Variants in ZFHX3 observed in about 807,000 individuals in gnomAD.
The protein encoded by ZFHX3 is zinc finger homeobox 3, also known as zinc finger homeobox protein 3.
In ZFHX3, 42 loss-of-function variants were observed where a neutral mutation model predicts 279.1. The ratio of observed to expected loss-of-function variants is 0.15; its 90% CI spans 0.12 to 0.19. The LOEUF (loss-of-function observed/expected upper bound fraction) is 0.19. Ranked by LOEUF, ZFHX3 falls within the 10% of genes least tolerant of loss-of-function variation. The pLI is 1.00. For synonymous variants in ZFHX3, 2,293 were observed against 1,957.8 expected (o/e 1.17, Z -4.52); for missense variants, 4,981 against 4,754.0 (o/e 1.05, Z -1.40).
At chr16:73,700,410 C>A (rs2053236094) in intron 1 of ZFHX3, among the ~76,000 whole-genome samples, 1 of 152,130 alleles carries the variant, frequency 6.6e-6, no homozygotes, top group African/African-American at 2.4e-5. Context: ...ATCTTTCATA[C>A]AATTATAAAT....
At chr16:73,735,961 G>C (rs1478282383) in intron 1 of ZFHX3, among the ~76,000 whole-genome samples, 2 of 150,730 alleles carry the variant, frequency 1.3e-5, no homozygotes, top group African/African-American at 4.9e-5. Flanking sequence ...CAGACATGGT[G>C]ACAGCTCATA....
At chr16:72,978,830 CAT>C (rs1962467642) in intron 1 of ZFHX3, among the ~76,000 whole-genome samples, 1 of 152,218 alleles carries the variant, frequency 6.6e-6, no homozygotes, top group Non-Finnish European at 1.5e-5. Context: ...TCCAGCCAGT[CAT>C]AGAGATGATC....
chr16:73,654,421 C>G (rs1327144387), intron 2 of ZFHX3, among the ~76,000 whole-genome samples: 2 of 151,968 alleles, frequency 1.3e-5, no homozygotes, highest in East Asian at 3.9e-4. Flanking sequence ...TAAAAATTAA[C>G]CCCCAAAATA....
intron 3 of ZFHX3, among the ~76,000 whole-genome samples, chr16:73,389,878 A>C (rs2016977414): frequency 6.6e-6 from 1 of 152,026 alleles, no homozygotes; most frequent in African/African-American, 2.4e-5. Flanking sequence ...TGGCCAACAC[A>C]GTGAAACCTC....
At chr16:73,605,899 C>G (rs181119920) in intron 2 of ZFHX3, among the ~76,000 whole-genome samples, 119 of 152,044 alleles carry the variant, frequency 7.8e-4, no homozygotes, top group African/African-American at 2.7e-3. Flanking sequence ...AAAATCCATG[C>G]TGGGGCAGGG....
At chr16:72,907,232 G>A (rs376730425) in intron 3 of ZFHX3, among the ~76,000 whole-genome samples, 14 of 152,114 alleles carry the variant, frequency 9.2e-5, no homozygotes, top group African/African-American at 3.4e-4. Context: ...AATAGCATAA[G>A]GCCAGAGGAA....
chr16:73,312,843 G>A (rs2015357329), intron 4 of ZFHX3, among the ~76,000 whole-genome samples: 1 of 152,356 alleles, frequency 6.6e-6, no homozygotes, highest in African/African-American at 2.4e-5. Context: ...CATAACTGTA[G>A]TTGCAAACAT....
chr16:73,682,788 A>AAAAGAAAGAAAG (rs201561147), intron 1 of ZFHX3, among the ~76,000 whole-genome samples: 1 of 147,702 alleles, frequency 6.8e-6, no homozygotes, highest in Non-Finnish European at 1.5e-5. Flanking sequence ...ACTTCATTTC[A>AAAAGAAAGAAAG]AAAGAAAGAA....
chr16:73,188,507 T>C (rs1050582293), intron 5 of ZFHX3, among the ~76,000 whole-genome samples: 10 of 152,184 alleles, frequency 6.6e-5, no homozygotes, highest in Non-Finnish European at 1.0e-4. Context: ...TCACCTGAGA[T>C]GGTGAATTTG....
At chr16:73,744,889 G>A (rs1053188809) in intron 1 of ZFHX3, among the ~76,000 whole-genome samples, 13 of 152,228 alleles carry the variant, frequency 8.5e-5, no homozygotes, top group Admixed American at 2.6e-4. Flanking sequence ...TGCCCCAAAC[G>A]AGATTGGATT....
intron 3 of ZFHX3, among the ~76,000 whole-genome samples, chr16:72,941,965 C>G (rs1156822363): frequency 6.6e-6 from 1 of 152,196 alleles, no homozygotes; most frequent in African/African-American, 2.4e-5. Flanking sequence ...CCACCCTACA[C>G]TTACTAGTAT....
chr16:73,562,730 A>G (rs1189351557), intron 2 of ZFHX3, among the ~76,000 whole-genome samples: 1 of 152,120 alleles, frequency 6.6e-6, no homozygotes, highest in Admixed American at 6.5e-5. Flanking sequence ...AAAAAAAAGA[A>G]CAGACAAAAT....
intron 3 of ZFHX3, among the ~76,000 whole-genome samples, chr16:72,940,832 C>T (rs1420749573): frequency 1.3e-5 from 2 of 152,216 alleles, no homozygotes; most frequent in African/African-American, 4.8e-5. Flanking sequence ...CATTTCTAAC[C>T]TTCTAACTAG....
intron 4 of ZFHX3, chr16:73,293,729 G>C (rs569347327): frequency 6.6e-6 from 1 of 152,404 alleles, no homozygotes; most frequent in African/African-American, 2.4e-5. Flanking sequence ...GGTGGGTCAG[G>C]GTTGGGCAGC....
intron 5 of ZFHX3, among the ~76,000 whole-genome samples, chr16:73,245,056 A>C (rs147209207): frequency 2.0e-5 from 3 of 152,030 alleles, no homozygotes; most frequent in African/African-American, 7.2e-5. Context: ...ATTCTTGGAA[A>C]CTCTGTGAAG....
rs1324649054 is a variant in ZFHX3, at chr16:72,794,730, T to C, written c.7952A>G (p.Glu2651Gly). The change falls in exon 9 of 10, where the codon GAA becomes GGA. Residue 2651 changes from glutamate (E) to glycine (G), a missense_variant. Physicochemically the swap from Glu to Gly is moderately conservative, Grantham distance 98. Around this residue, in one of 7 missense-constraint regions of ZFHX3, gnomAD observed 744 missense variants for 701.3 expected, o/e 1.06. Transcript: ENST00000268489. The surrounding 1 kb of genome is among the most constrained non-coding windows in gnomAD (Gnocchi z 4.2). ...CTTCTGGTAGAGAATTTCTAGTTGTTCCGGTGTGATGGTTGTTCTCAAACG... is the reference window on the plus strand; with the variant it reads ...CTTCTGGTAGAGAATTTCTAGTTGTCCCGGTGTGATGGTTGTTCTCAAACG... Reference protein sequence around the residue: ...DKRLRTTITPEQLEILYQKYL... With the variant: ...DKRLRTTITPGQLEILYQKYL... 1 of 1,614,244 alleles carries C rather than the reference T, an allele frequency of 6.2e-7. No individual in the cohort carries two copies. The highest frequency in any genetic ancestry group is 8.5e-7 in the Non-Finnish European group (1 of 1,180,042).
At chr16:72,903,361 G>A (rs1039591754) in intron 3 of ZFHX3, among the ~76,000 whole-genome samples, 1 of 152,146 alleles carries the variant, frequency 6.6e-6, no homozygotes, top group African/African-American at 2.4e-5. Context: ...TCTAGGGATG[G>A]GGCCAGGAAT....
chr16:72,975,368 G>A (rs1300552107), intron 1 of ZFHX3, among the ~76,000 whole-genome samples: 2 of 152,150 alleles, frequency 1.3e-5, no homozygotes, highest in Non-Finnish European at 2.9e-5. Flanking sequence ...ACTTGAACCC[G>A]GGAGGCAGAA....
At chr16:72,863,537 C>CAGAGAGTG (rs2037938824) in intron 4 of ZFHX3, among the ~76,000 whole-genome samples, 1 of 148,234 alleles carries the variant, frequency 6.7e-6, no homozygotes, top group African/African-American at 2.5e-5. Flanking sequence ...CAGAGACAGA[C>CAGAGAGTG]AGAGAGAGAG....
Sources: allele counts gnomAD v4.1 joint callset (sites outside exome capture counted in the v4.1 genomes callset), GRCh38; gene constraint gnomAD v4.1.1; regional missense constraint gnomAD v4.1.1; non-coding constraint Gnocchi (gnomAD v3.1); transcripts MANE v1.5; gene names NCBI Gene and HGNC (gene_info 2026-07-23, HGNC 2026-07-21).